Variants in DNAH7 observed in about 807,000 individuals in gnomAD.
The protein encoded by DNAH7 is axonemal beta dynein heavy chain 7.
A neutral mutation model predicts 444.6 loss-of-function variants in DNAH7; 397 were observed. The observed-to-expected ratio is 0.89, with a 90% CI of 0.82 to 0.97. The LOEUF is 0.97. Among genes scored for constraint, DNAH7 ranks in the 50% least tolerant of loss-of-function variants. The probability of loss-of-function intolerance (pLI) is 0.00; values close to 1 mark genes in which losing one functional copy is unlikely to be tolerated. For synonymous variants in DNAH7, 1,636 were observed against 1,624.4 expected (o/e 1.01, Z -0.17); for missense variants, 4,902 against 4,800.8 (o/e 1.02, Z -0.62).
At position 195,957,442 on chromosome 2, in the gene DNAH7, C is replaced by G. The variant is rs914089767; in HGVS notation, c.2897G>C (p.Trp966Ser). The G allele has an allele frequency of 6.5e-7, 1 of 1,544,338 alleles. No homozygotes were observed. Among genetic ancestry groups the G allele is most frequent in the Non-Finnish European group, 8.8e-7 (1 of 1,134,390 alleles). ...CTGAAGCAGTAGGAGCTTGCCCTCCCATTCTCTGAGGAGCAAAACACAGTG... is the reference window on the plus strand; with the variant it reads ...CTGAAGCAGTAGGAGCTTGCCCTCCGATTCTCTGAGGAGCAAAACACAGTG... ...IKPYEKQMRE[W>S]EGKLLLLQEI... is the part of the protein sequence containing the mutation. The change falls in exon 19 of 65, where the codon TGG becomes TCG. Residue 966 changes from tryptophan to serine, a missense_variant. Physicochemically the swap from Trp to Ser is radical, Grantham distance 177. Coordinates refer to ENST00000312428, the MANE Select transcript of DNAH7 (RefSeq NM_018897.3).
At chr2:195,765,628 G>T (rs1003103175) in intron 61 of DNAH7, among the ~76,000 whole-genome samples, 1 of 152,124 alleles carries the variant, frequency 6.6e-6, no homozygotes. Flanking sequence ...ACAGAAAGGT[G>T]CTCAATGTCA....
chr2:195,752,107 C>CA (rs1312112350), intron 63 of DNAH7, among the ~76,000 whole-genome samples: 2 of 151,740 alleles, frequency 1.3e-5, no homozygotes, highest in African/African-American at 4.8e-5. Flanking sequence ...CCTGTCTATA[C>CA]AAAAAAATGA....
At chr2:196,008,915 G>A (rs546524031) in intron 10 of DNAH7, among the ~76,000 whole-genome samples, 3 of 152,200 alleles carry the variant, frequency 2.0e-5, no homozygotes, top group Admixed American at 1.3e-4. Flanking sequence ...GATTCTATAC[G>A]CTGTAGCAGC....
intron 63 of DNAH7, among the ~76,000 whole-genome samples, chr2:195,752,008 C>T (rs145173635): frequency 0.017 from 2,562 of 152,178 alleles, 69 homozygotes; most frequent in African/African-American, 0.058. Flanking sequence ...CAGTGGCTCA[C>T]GCCTGTAATC....
intron 35 of DNAH7, among the ~76,000 whole-genome samples, chr2:195,882,499 C>T (rs1016130284): frequency 6.6e-6 from 1 of 152,112 alleles, no homozygotes; most frequent in African/African-American, 2.4e-5. Flanking sequence ...TTACCCTTAA[C>T]AATTTTTAGG....
chr2:196,068,549 T>C (rs538573238), intron 1 of DNAH7, 148 bp downstream of exon 1: 1 of 1,065,148 alleles, frequency 9.4e-7, no homozygotes, highest in East Asian at 2.7e-5. Flanking sequence ...AAGCGCTCAG[T>C]AACCCAGGCC....
chr2:196,066,558 C>T (rs1269479706), intron 1 of DNAH7, among the ~76,000 whole-genome samples: 1 of 152,172 alleles, frequency 6.6e-6, no homozygotes, highest in Non-Finnish European at 1.5e-5. Context: ...TGCCTTTAAA[C>T]CTCTCAAAGT....
chr2:196,017,202 A>T (rs1695082904), intron 9 of DNAH7, among the ~76,000 whole-genome samples: 1 of 152,092 alleles, frequency 6.6e-6, no homozygotes, highest in Non-Finnish European at 1.5e-5. Context: ...TTTAGTAAAG[A>T]CGAGGTTTCA....
intron 17 of DNAH7, among the ~76,000 whole-genome samples, chr2:195,961,678 C>T (rs556882794): frequency 3.7e-4 from 57 of 152,212 alleles, no homozygotes; most frequent in African/African-American, 1.3e-3. Context: ...AGTTAATGCA[C>T]ATTTACATAT....
chr2:195,880,054 A>C (rs1254054888), intron 36 of DNAH7, among the ~76,000 whole-genome samples: 2 of 152,172 alleles, frequency 1.3e-5, no homozygotes, highest in African/African-American at 2.4e-5. Flanking sequence ...AAATATAAAT[A>C]GACATGCAAT....
chr2:195,983,937 G>T (rs771068939), intron 15 of DNAH7, among the ~76,000 whole-genome samples: 1 of 152,166 alleles, frequency 6.6e-6, no homozygotes, highest in Non-Finnish European at 1.5e-5. Context: ...TAATTGTTGC[G>T]TGTTCTCAAA....
At chr2:196,067,157 T>C (rs201796579) in intron 1 of DNAH7, among the ~76,000 whole-genome samples, 52 of 152,000 alleles carry the variant, frequency 3.4e-4, no homozygotes, top group Non-Finnish European at 6.6e-4. Flanking sequence ...TAACGGCTGG[T>C]GGGTTTTTTG....
chr2:195,754,273 C>T (rs1693958814), intron 63 of DNAH7, 64 bp downstream of exon 63: 3 of 1,480,624 alleles, frequency 2.0e-6, no homozygotes, highest in African/African-American at 2.8e-5. Context: ...GGAAAGTATG[C>T]TAGAATGTCA....
intron 27 of DNAH7, 93 bp downstream of exon 27, chr2:195,906,566 T>C (rs932543188): frequency 1.6e-6 from 2 of 1,278,398 alleles, no homozygotes; most frequent in Admixed American, 4.3e-5. Context: ...AGTGCTAGGA[T>C]TATAGGCGTT....
intron 63 of DNAH7, among the ~76,000 whole-genome samples, chr2:195,744,953 C>T (rs1386071296): frequency 6.6e-6 from 1 of 152,244 alleles, no homozygotes; most frequent in African/African-American, 2.4e-5. Context: ...AGCGCCTCTC[C>T]TCCTCCAAAG....
intron 42 of DNAH7, among the ~76,000 whole-genome samples, chr2:195,859,915 T>C (rs1440347209): frequency 1.3e-5 from 2 of 152,196 alleles, no homozygotes; most frequent in East Asian, 3.8e-4. Flanking sequence ...TCCTTCCAAG[T>C]AACCTGAAAA....
At chr2:195,774,160 T>C (rs1287849063) in intron 60 of DNAH7, among the ~76,000 whole-genome samples, 1 of 152,222 alleles carries the variant, frequency 6.6e-6, no homozygotes, top group Non-Finnish European at 1.5e-5. Context: ...GACCCCACTG[T>C]TTTACGTATT....
intron 47 of DNAH7, among the ~76,000 whole-genome samples, chr2:195,844,310 T>G (rs899647067): frequency 6.6e-6 from 1 of 152,176 alleles, no homozygotes; most frequent in Admixed American, 6.5e-5. Flanking sequence ...AGGAAATATC[T>G]GTGCTATCGT....
chr2:195,932,426 G>A (rs544071864), intron 21 of DNAH7, among the ~76,000 whole-genome samples: 214 of 152,136 alleles, frequency 1.4e-3, no homozygotes, highest in African/African-American at 5.1e-3. Flanking sequence ...ATGCCTGATT[G>A]CCCTGGCCAG....
Sources: allele counts gnomAD v4.1 joint callset (sites outside exome capture counted in the v4.1 genomes callset), GRCh38; gene constraint gnomAD v4.1.1; transcripts MANE v1.5; gene names NCBI Gene and HGNC (gene_info 2026-07-23, HGNC 2026-07-21).